Variants in CCDC148 observed in about 807,000 individuals in gnomAD.
CCDC148 encodes coiled-coil domain containing 148.
Under a neutral mutation model 85.7 loss-of-function variants are expected in CCDC148, and 89 were observed. The observed-to-expected ratio is 1.04, with a 90% CI of 0.87 to 1.24. The LOEUF is 1.24. Among genes scored for constraint, CCDC148 ranks in the 50% most tolerant of loss-of-function variants. The pLI is 0.00. For synonymous variants in CCDC148, 230 were observed against 213.9 expected, an observed-to-expected ratio of 1.08 and a Z score of -0.66; for missense variants, 692 against 671.7, an observed-to-expected ratio of 1.03 and a Z score of -0.33.
chr2:158,319,774 G>A (rs1243926138), intron 7 of CCDC148, among the ~76,000 whole-genome samples: 3 of 152,164 alleles, frequency 2.0e-5, no homozygotes, highest in African/African-American at 7.2e-5. Context: ...ATGTAGAGAT[G>A]AAAGAGATAT....
chr2:158,348,962 G>A (rs1020880180), intron 2 of CCDC148, among the ~76,000 whole-genome samples: 1 of 151,922 alleles, frequency 6.6e-6, no homozygotes, highest in African/African-American at 2.4e-5. Flanking sequence ...ACCAAAATTG[G>A]TCTCAGTTTT....
chr2:158,360,923 C>T (rs1023494672), intron 1 of CCDC148, among the ~76,000 whole-genome samples: 2 of 151,750 alleles, frequency 1.3e-5, no homozygotes, highest in Admixed American at 6.6e-5. Context: ...AGCTAAGAAC[C>T]TTGAAAAAAC....
chr2:158,425,347 C>T (rs1179974011), intron 1 of CCDC148: 5 of 496,528 alleles, frequency 1.0e-5, no homozygotes, highest in East Asian at 5.0e-5. Context: ...GCTAAAATAA[C>T]CCATCTTGCA....
At chr2:158,421,417 A>C (rs571997148) in intron 1 of CCDC148, among the ~76,000 whole-genome samples, 3 of 152,314 alleles carry the variant, frequency 2.0e-5, no homozygotes, top group Admixed American at 6.5e-5. Flanking sequence ...TCAAACTAGA[A>C]CTCAGGATTC....
In CCDC148 at chr2:158,258,934, C is replaced by T. The variant is rs115104366; in HGVS notation, c.1111-8022G>A. Among the ~76,000 whole-genome samples the T allele has an allele frequency of 1.8e-3, 272 of 151,894 alleles. 1 individual carries two copies. Among genetic ancestry groups the T allele is most frequent in the Middle Eastern group, 6.8e-3 (2 of 294 alleles). On this transcript the variant is annotated intron_variant, in intron 9 of 13. Coordinates refer to ENST00000283233, the MANE Select transcript of CCDC148 (RefSeq NM_138803.4). ...TGTAAACTCCCAGGTATAGACTACA[C>T]GGCTCCCAGTATTTGGCCCAGCCTG... is the stretch of plus-strand genomic sequence containing the variant.
At chr2:158,432,821 C>A (rs1021274012) in intron 1 of CCDC148, among the ~76,000 whole-genome samples, 1 of 151,812 alleles carries the variant, frequency 6.6e-6, no homozygotes, top group African/African-American at 2.4e-5. Flanking sequence ...AGTCTGTAAT[C>A]CCAGCACTTT....
intron 9 of CCDC148, among the ~76,000 whole-genome samples, chr2:158,283,165 C>T (rs1301970055): frequency 6.6e-6 from 1 of 152,208 alleles, no homozygotes; most frequent in Admixed American, 6.5e-5. Context: ...AGACCTAAAA[C>T]CATAAAAACC....
At chr2:158,250,522 T>C (rs1688746912) in intron 10 of CCDC148, among the ~76,000 whole-genome samples, 1 of 150,392 alleles carries the variant, frequency 6.6e-6, no homozygotes, top group Non-Finnish European at 1.5e-5. Context: ...TTTTTTTTTT[T>C]TTTAACCTAC....
intron 1 of CCDC148, among the ~76,000 whole-genome samples, chr2:158,452,515 A>T (rs1688445180): frequency 6.6e-6 from 1 of 152,166 alleles, no homozygotes; most frequent in South Asian, 2.1e-4. Context: ...AATATTCCTT[A>T]TGCCAAAATG....
At chr2:158,209,782 C>G (rs532616215) in intron 11 of CCDC148, among the ~76,000 whole-genome samples, 1 of 152,282 alleles carries the variant, frequency 6.6e-6, no homozygotes, top group South Asian at 2.1e-4. Context: ...CTGTCACCAC[C>G]AGGCCTGCCT....
chr2:158,399,593 A>C lies in CCDC148; in HGVS notation c.26-41023T>G, dbSNP rs926238581. 9.9e-5 allele frequency among the ~76,000 whole-genome samples: 15 copies of C among 152,218 alleles called. 2 individuals carry two copies. The highest frequency in any genetic ancestry group is 6.5e-4 in the Admixed American group (10 of 15,274). ...ATTCAACAGCTTTTCATGCTAAAAA[A>C]CTCTCAATAAACTAGGTATTGATGG... On this transcript the variant is annotated intron_variant, in intron 1 of 13. Coordinates refer to ENST00000283233, the MANE Select transcript of CCDC148 (RefSeq NM_138803.4).
At chr2:158,230,526 T>C (rs1352061640) in intron 10 of CCDC148, among the ~76,000 whole-genome samples, 1 of 152,124 alleles carries the variant, frequency 6.6e-6, no homozygotes, top group Non-Finnish European at 1.5e-5. Flanking sequence ...CTGGAGCAGG[T>C]GGCATAGGTT....
At chr2:158,240,491 C>CACACACACACA (rs1688310889) in intron 10 of CCDC148, among the ~76,000 whole-genome samples, 1 of 143,878 alleles carries the variant, frequency 7.0e-6, no homozygotes, top group South Asian at 2.2e-4. Context: ...CACACACACA[C>CACACACACACA]CTCTTTAAAA....
intron 10 of CCDC148, among the ~76,000 whole-genome samples, chr2:158,248,764 T>A (rs1688673527): frequency 6.6e-6 from 1 of 152,128 alleles, no homozygotes; most frequent in Admixed American, 6.6e-5. Context: ...GAGGAGAGGA[T>A]ATTTAATTTA....
chr2:158,279,939 T>C (rs1203181690), intron 9 of CCDC148, among the ~76,000 whole-genome samples: 201 of 151,246 alleles, frequency 1.3e-3, no homozygotes, highest in Non-Finnish European at 1.5e-3. Context: ...CGGCAGAAAC[T>C]CTACAAGCCA....
intron 12 of CCDC148, among the ~76,000 whole-genome samples, chr2:158,177,364 C>G (rs949343525): frequency 6.6e-6 from 1 of 151,950 alleles, no homozygotes; most frequent in African/African-American, 2.4e-5. Context: ...TTCTGAAAGT[C>G]AAGAATTAGC....
intron 1 of CCDC148, among the ~76,000 whole-genome samples, chr2:158,422,939 A>AACAG (rs1313549613): frequency 5.3e-5 from 8 of 150,708 alleles, no homozygotes; most frequent in East Asian, 2.0e-4. Context: ...ATACACCAAT[A>AACAG]ACAAACAGAG....
intron 9 of CCDC148, among the ~76,000 whole-genome samples, chr2:158,306,249 G>A (rs1211708988): frequency 1.3e-5 from 2 of 151,888 alleles, no homozygotes; most frequent in African/African-American, 2.4e-5. Context: ...TTGGCCAGGT[G>A]CGGTGGCTCA....
Position 158,171,346 on chromosome 2 carries a change from T to C in CCDC148, c.*767A>G, listed in dbSNP as rs979728177. 1 of 151,932 alleles carries C rather than the reference T, an allele frequency of 6.6e-6. No homozygotes were observed. The highest frequency in any genetic ancestry group is 6.6e-5 in the Admixed American group (1 of 15,214). The allele number at this position is 151,932 out of a possible 1,614,324, so 9.4% of individuals were successfully genotyped here. Reference sequence around the variant, plus strand: ...GTTATTCTGCTTGAAAAATTATTTTTTAGAAATAGTCAAATATTTATGTTT... The same window carrying C: ...GTTATTCTGCTTGAAAAATTATTTTCTAGAAATAGTCAAATATTTATGTTT... On this transcript the variant is annotated 3_prime_UTR_variant, in exon 14 of 14. Coordinates refer to ENST00000283233, the MANE Select transcript of CCDC148 (RefSeq NM_138803.4).
Sources: gnomAD v4.1 joint callset for allele counts (sites outside exome capture counted in the v4.1 genomes callset) on GRCh38, gnomAD v4.1.1 for gene constraint, MANE v1.5 for transcripts, NCBI Gene and HGNC (gene_info 2026-07-23, HGNC 2026-07-21) for gene names.